CFAP299: variants seen among roughly 807,000 people sequenced by gnomAD.
CFAP299 encodes the protein cilia and flagella associated protein 299, also known as cilia- and flagella-associated protein 299.
In CFAP299, 21 loss-of-function variants were observed where a neutral mutation model predicts 27.0. That is an observed-to-expected ratio of 0.78 (90% confidence interval 0.55 to 1.12). The LOEUF (loss-of-function observed/expected upper bound fraction) is 1.12. CFAP299 is among the 50% of genes most tolerant of loss of function. The pLI, the probability that CFAP299 is intolerant of heterozygous loss-of-function variation, is 0.00. For missense variants in CFAP299, 310 were observed against 276.6 expected, an observed-to-expected ratio of 1.12 and a Z score of -0.86; for synonymous variants, 104 against 98.1, an observed-to-expected ratio of 1.06 and a Z score of -0.36.
At chr4:80,798,248 G>T (rs770583991) in intron 3 of CFAP299, among the ~76,000 whole-genome samples, 10 of 151,996 alleles carry the variant, frequency 6.6e-5, no homozygotes, top group Non-Finnish European at 1.0e-4. Flanking sequence ...TATCTTGCCT[G>T]GCAACTCCCT....
chr4:80,563,520 A>G (rs373536960), intron 2 of CFAP299, among the ~76,000 whole-genome samples: 1 of 152,126 alleles, frequency 6.6e-6, no homozygotes, highest in South Asian at 2.1e-4. Flanking sequence ...AACACAACAT[A>G]TCAAAATCTA....
chr4:80,897,529 C>CAACATCACTGGGAGGACTGA (rs1374557500), intron 4 of CFAP299, among the ~76,000 whole-genome samples: 1 of 152,122 alleles, frequency 6.6e-6, no homozygotes, highest in Non-Finnish European at 1.5e-5. Flanking sequence ...ACTGAAGAAA[C>CAACATCACTGGGAGGACTGA]AGATTCTAGG....
intron 3 of CFAP299, among the ~76,000 whole-genome samples, chr4:80,842,051 G>A (rs1015859670): frequency 2.6e-5 from 4 of 152,016 alleles, no homozygotes; most frequent in South Asian, 2.1e-4. Flanking sequence ...AAACCTTACC[G>A]CTTCTCCTCC....
intron 3 of CFAP299, among the ~76,000 whole-genome samples, chr4:80,837,851 C>T (rs1421701595): frequency 6.6e-6 from 1 of 152,154 alleles, no homozygotes; most frequent in Non-Finnish European, 1.5e-5. Flanking sequence ...ACCATCCTGT[C>T]TTCCACAATG....
At chr4:80,809,788 A>G (rs547346608) in intron 3 of CFAP299, among the ~76,000 whole-genome samples, 1 of 152,120 alleles carries the variant, frequency 6.6e-6, no homozygotes, top group South Asian at 2.1e-4. Context: ...GGGTTTCCCC[A>G]CTTTCTCTTC....
intron 4 of CFAP299, among the ~76,000 whole-genome samples, chr4:80,873,300 T>C (rs1319840139): frequency 2.0e-5 from 3 of 152,162 alleles, no homozygotes; most frequent in East Asian, 3.8e-4. Flanking sequence ...ACAAACATTT[T>C]GTGGCTATGA....
chr4:80,905,737 A>G (rs192929750), intron 4 of CFAP299, among the ~76,000 whole-genome samples: 2 of 152,312 alleles, frequency 1.3e-5, no homozygotes, highest in Admixed American at 1.3e-4. Context: ...AAAGCCACTT[A>G]TAAAATCATC....
intron 3 of CFAP299, among the ~76,000 whole-genome samples, chr4:80,612,680 TACTC>T (rs1454734704): frequency 2.6e-5 from 4 of 152,148 alleles, no homozygotes; most frequent in African/African-American, 9.7e-5. Flanking sequence ...ATTTCAATAA[TACTC>T]ACACCTTAAA....
intron 3 of CFAP299, among the ~76,000 whole-genome samples, chr4:80,833,082 A>G (rs1448479493): frequency 1.3e-5 from 2 of 152,144 alleles, no homozygotes; most frequent in Non-Finnish European, 2.9e-5. Context: ...TTTCTTAAAT[A>G]TATATTTTAA....
intron 3 of CFAP299, among the ~76,000 whole-genome samples, chr4:80,844,120 A>G (rs904496062): frequency 3.3e-5 from 5 of 152,162 alleles, no homozygotes; most frequent in African/African-American, 9.7e-5. Flanking sequence ...TCCATGGTGT[A>G]TATGTGCCAC....
chr4:80,681,938 T>C (rs1006148204), intron 3 of CFAP299, among the ~76,000 whole-genome samples: 1 of 152,148 alleles, frequency 6.6e-6, no homozygotes, highest in Non-Finnish European at 1.5e-5. Flanking sequence ...CTCTAGAACA[T>C]TGGAGCAAGC....
At chr4:80,726,420 T>C (rs1341782033) in intron 3 of CFAP299, among the ~76,000 whole-genome samples, 4 of 152,186 alleles carry the variant, frequency 2.6e-5, no homozygotes, top group African/African-American at 9.7e-5. Flanking sequence ...GAAAAAGATA[T>C]CTTTTTAAAA....
intron 4 of CFAP299, among the ~76,000 whole-genome samples, chr4:80,926,009 T>C (rs559823912): frequency 1.3e-5 from 2 of 152,160 alleles, no homozygotes; most frequent in East Asian, 3.9e-4. Flanking sequence ...GAATATAAAT[T>C]AGTCTTGTGG....
chr4:80,359,647 A>T (rs1315315636), intron 1 of CFAP299, among the ~76,000 whole-genome samples: 2 of 152,132 alleles, frequency 1.3e-5, no homozygotes, highest in Non-Finnish European at 2.9e-5. Context: ...TGAAATTCTC[A>T]TATTGTGTGT....
chr4:80,544,251 ATACT>A (rs1298194591), intron 2 of CFAP299, among the ~76,000 whole-genome samples: 2 of 152,228 alleles, frequency 1.3e-5, no homozygotes, highest in East Asian at 3.8e-4. Context: ...CCACAAAAAC[ATACT>A]TAAGGGAATA....
intron 2 of CFAP299, among the ~76,000 whole-genome samples, chr4:80,492,896 G>A (rs1329357042): frequency 1.3e-5 from 2 of 152,186 alleles, no homozygotes; most frequent in Non-Finnish European, 2.9e-5. Context: ...GGCCTGGAGT[G>A]TGAGAGCTCA....
chr4:80,367,040 G>C (rs1723870205), intron 2 of CFAP299, among the ~76,000 whole-genome samples: 1 of 152,124 alleles, frequency 6.6e-6, no homozygotes, highest in Non-Finnish European at 1.5e-5. Flanking sequence ...GGTTTCCAAG[G>C]ACTGGATGGA....
At chr4:80,541,891 A>G (rs1431371214) in intron 2 of CFAP299, among the ~76,000 whole-genome samples, 1 of 152,112 alleles carries the variant, frequency 6.6e-6, no homozygotes, top group East Asian at 1.9e-4. Context: ...CTAGGCCATT[A>G]TTGAGCCGTT....
intron 2 of CFAP299, among the ~76,000 whole-genome samples, chr4:80,485,286 A>T (rs1014422830): frequency 1.3e-5 from 2 of 149,698 alleles, no homozygotes; most frequent in African/African-American, 4.9e-5. Flanking sequence ...TATATATATA[A>T]AACAAATTGA....
Sources: allele counts gnomAD v4.1 joint callset (sites outside exome capture counted in the v4.1 genomes callset), GRCh38; gene constraint gnomAD v4.1.1; transcripts MANE v1.5; gene names NCBI Gene and HGNC (gene_info 2026-07-23, HGNC 2026-07-21).